HAPSTR1: variants seen among roughly 807,000 people sequenced by gnomAD.
The protein encoded by HAPSTR1 is HUWE1 associated protein modifying stress responses, also known as HUWE1-associated protein modifying stress responses 1.
chr16:9,121,579 G>C, the HAPSTR1 span: 1 of 19,334 alleles, frequency 5.2e-5, no homozygotes, highest in Non-Finnish European at 8.9e-5. Flanking sequence ...TCTCTGGGCT[G>C]TTTTCTCATC....
chr16:9,093,831 A>C, the HAPSTR1 span, among the ~76,000 whole-genome samples: 1 of 151,872 alleles, frequency 6.6e-6, no homozygotes, highest in African/African-American at 2.4e-5. Context: ...AGATTGAGAA[A>C]TTTGGGGTTG....
chr16:9,102,070 C>T, the HAPSTR1 span, among the ~76,000 whole-genome samples: 1 of 152,200 alleles, frequency 6.6e-6, no homozygotes, highest in Non-Finnish European at 1.5e-5. Flanking sequence ...TGAGATCGAG[C>T]CATCGCACTA....
At chr16:9,096,145 G>C in the HAPSTR1 span, among the ~76,000 whole-genome samples, 1 of 152,092 alleles carries the variant, frequency 6.6e-6, no homozygotes, top group Non-Finnish European at 1.5e-5. Context: ...ATTCACCATT[G>C]TGCTCCTTGA....
At chr16:9,102,198 A>G in the HAPSTR1 span, among the ~76,000 whole-genome samples, 3 of 152,270 alleles carry the variant, frequency 2.0e-5, no homozygotes, top group Non-Finnish European at 4.4e-5. Context: ...AAGTTCAAGG[A>G]TAAAGTAACG....
the HAPSTR1 span, chr16:9,102,918 T>A: frequency 1.3e-6 from 2 of 1,520,698 alleles, no homozygotes; most frequent in Middle Eastern, 3.5e-4. Flanking sequence ...AAAATGGTTT[T>A]CTTTAGAAGG....
chr16:9,103,362 T>C, the HAPSTR1 span: 145 of 1,246,132 alleles, frequency 1.2e-4, no homozygotes, highest in Admixed American at 2.2e-4. Flanking sequence ...GTTTTTTGTC[T>C]TACAGTAAAC....
At chr16:9,105,978 G>GA in the HAPSTR1 span, 1 of 152,144 alleles carries the variant, frequency 6.6e-6, no homozygotes, top group African/African-American at 2.4e-5. Context: ...TAATTTAAAG[G>GA]AAAATGGCAG....
the HAPSTR1 span, among the ~76,000 whole-genome samples, chr16:9,102,256 C>T: frequency 1.3e-5 from 2 of 152,212 alleles, no homozygotes; most frequent in African/African-American, 4.8e-5. Flanking sequence ...TCTGCTGGCA[C>T]AGCAGCTCAA....
the HAPSTR1 span, among the ~76,000 whole-genome samples, chr16:9,102,141 C>T: frequency 4.5e-4 from 69 of 152,128 alleles, no homozygotes; most frequent in East Asian, 7.3e-3. Flanking sequence ...TAATCAAAGC[C>T]GGGAAAAGTA....
chr16:9,093,108 C>T, the HAPSTR1 span: 1 of 1,084,566 alleles, frequency 9.2e-7, no homozygotes, highest in Non-Finnish European at 1.4e-6. Context: ...AGCTGCTAAC[C>T]TTGAATACCT....
the HAPSTR1 span, chr16:9,117,237 G>T: frequency 8.4e-6 from 2 of 237,316 alleles, no homozygotes; most frequent in South Asian, 7.5e-5. Flanking sequence ...GGAAATATCA[G>T]ATGTTTATTT....
chr16:9,093,265 T>TA, the HAPSTR1 span, among the ~76,000 whole-genome samples: 1 of 152,072 alleles, frequency 6.6e-6, no homozygotes, highest in Admixed American at 6.6e-5. Flanking sequence ...GCACCCAGTG[T>TA]ATAGAGGCTG....
chr16:9,108,790 C>G, the HAPSTR1 span: 1 of 152,096 alleles, frequency 6.6e-6, no homozygotes. Flanking sequence ...GGGCAACATG[C>G]TTGACTTCTC....
At chr16:9,110,882 A>G in the HAPSTR1 span, 1 of 152,290 alleles carries the variant, frequency 6.6e-6, no homozygotes, top group African/African-American at 2.4e-5. Flanking sequence ...TACTAAAAAT[A>G]CAAAAATTAG....
the HAPSTR1 span, chr16:9,092,213 C>G: frequency 6.3e-7 from 1 of 1,588,094 alleles, no homozygotes; most frequent in South Asian, 1.1e-5. Flanking sequence ...GCACAAGCAG[C>G]AGAAGCTGTG....
chr16:9,104,284 T>A, the HAPSTR1 span: 3 of 152,136 alleles, frequency 2.0e-5, no homozygotes, highest in African/African-American at 7.2e-5. Context: ...GGCTAATTTT[T>A]TAGAGACAGG....
At chr16:9,104,224 C>G in the HAPSTR1 span, 1 of 151,798 alleles carries the variant, frequency 6.6e-6, no homozygotes, top group African/African-American at 2.4e-5. Context: ...AGCGATTCTC[C>G]TGCCTCAGCC....
chr16:9,120,196 A>G, the HAPSTR1 span: 2 of 152,236 alleles, frequency 1.3e-5, no homozygotes, highest in Non-Finnish European at 2.9e-5. Flanking sequence ...GATTTGTGGA[A>G]TAAAGTGACT....
At chr16:9,108,504 A>T in the HAPSTR1 span, 1 of 149,844 alleles carries the variant, frequency 6.7e-6, no homozygotes, top group African/African-American at 2.4e-5. Context: ...CATACCCTTA[A>T]CCACTATGCT....
Sources: gnomAD v4.1 joint callset for allele counts (sites outside exome capture counted in the v4.1 genomes callset) on GRCh38, gnomAD v4.1.1 for gene constraint, MANE v1.5 for transcripts, NCBI Gene and HGNC (gene_info 2026-07-23, HGNC 2026-07-21) for gene names.